The following ADAMTS3 variants were observed in gnomAD, a reference collection of about 807,000 sequenced individuals.
ADAMTS3 encodes A disintegrin and metalloproteinase with thrombospondin motifs 3.
ADAMTS3 carries 73 observed loss-of-function variants against 129.0 expected under a neutral mutation model. The ratio of observed to expected loss-of-function variants is 0.57; its 90% CI spans 0.47 to 0.69. ADAMTS3 has a LOEUF of 0.69. Ranked by LOEUF, ADAMTS3 falls within the 30% of genes least tolerant of loss-of-function variation. ADAMTS3 has a pLI of 0.00. For missense variants in ADAMTS3, 1,457 were observed against 1,514.5 expected, an observed-to-expected ratio of 0.96 and a Z score of 0.63; for synonymous variants, 477 against 510.8, an observed-to-expected ratio of 0.93 and a Z score of 0.89.
intron 4 of ADAMTS3, among the ~76,000 whole-genome samples, chr4:72,368,424 A>T (rs547704122): frequency 7.5e-4 from 114 of 152,298 alleles, no homozygotes; most frequent in African/African-American, 2.6e-3. Flanking sequence ...CGAACATTTT[A>T]AAAAAAGAAG....
chr4:72,561,799 C>A (rs1050629331), intron 2 of ADAMTS3, among the ~76,000 whole-genome samples: 7 of 152,178 alleles, frequency 4.6e-5, no homozygotes, highest in Admixed American at 4.6e-4. Flanking sequence ...CCTTTTCATG[C>A]TGCTCACAAT....
chr4:72,390,389 C>T (rs1245044328), intron 4 of ADAMTS3, among the ~76,000 whole-genome samples: 1 of 152,096 alleles, frequency 6.6e-6, no homozygotes, highest in Non-Finnish European at 1.5e-5. Context: ...CAAAAGAACC[C>T]AGTGAGGAAG....
At chr4:72,394,441 T>C (rs1416305726) in intron 4 of ADAMTS3, among the ~76,000 whole-genome samples, 2 of 152,218 alleles carry the variant, frequency 1.3e-5, no homozygotes, top group South Asian at 2.1e-4. Flanking sequence ...TTCTACACCA[T>C]GTCTGACAAA....
At chr4:72,566,149 C>A (rs1169526094) in intron 2 of ADAMTS3, among the ~76,000 whole-genome samples, 1 of 152,170 alleles carries the variant, frequency 6.6e-6, no homozygotes, top group African/African-American at 2.4e-5. Context: ...TTCCTCCCCA[C>A]TGTTCTCCTC....
chr4:72,497,211 A>G (rs1168879287), intron 3 of ADAMTS3, among the ~76,000 whole-genome samples: 1 of 152,096 alleles, frequency 6.6e-6, no homozygotes, highest in Non-Finnish European at 1.5e-5. Context: ...ATGCAAATGT[A>G]CTTTATTCTA....
At chr4:72,366,356 G>A (rs1436608532) in intron 4 of ADAMTS3, among the ~76,000 whole-genome samples, 4 of 152,196 alleles carry the variant, frequency 2.6e-5, no homozygotes, top group East Asian at 3.9e-4. Context: ...ATTGTATTAC[G>A]GTAGAAGACG....
intron 4 of ADAMTS3, among the ~76,000 whole-genome samples, chr4:72,361,321 T>C (rs1224439917): frequency 6.6e-6 from 1 of 152,162 alleles, no homozygotes; most frequent in Admixed American, 6.6e-5. Context: ...ATTATTTTTA[T>C]ATAACAGGTA....
chr4:72,344,563 C>G (rs1016828138), intron 4 of ADAMTS3, among the ~76,000 whole-genome samples: 1 of 152,028 alleles, frequency 6.6e-6, no homozygotes, highest in Non-Finnish European at 1.5e-5. Flanking sequence ...TCCCAATCTC[C>G]CTGTGACTAA....
chr4:72,301,786 T>C (rs769587195), intron 17 of ADAMTS3, among the ~76,000 whole-genome samples: 1 of 152,106 alleles, frequency 6.6e-6, no homozygotes, highest in Non-Finnish European at 1.5e-5. Flanking sequence ...AGCCAGATCT[T>C]ATTCCTGACA....
rs377218695 is a variant in ADAMTS3, at chr4:72,310,579, G to A, written c.2055+469C>T. ...TTAAATGGAGCAAAAAAACATGTTT[G>A]CTTCTCTACTACTTTTGTTCTAATG... On this transcript the variant is annotated intron_variant, in intron 14 of 21. Coordinates refer to ENST00000286657, the MANE Select transcript of ADAMTS3 (RefSeq NM_014243.3). Among the ~76,000 whole-genome samples, 48 of 152,196 alleles carry A rather than the reference G, an allele frequency of 3.2e-4. No individual in the cohort carries two copies. In the South Asian group the frequency reaches 9.9e-3, roughly 32 times the overall value.
rs770472292 is a variant in ADAMTS3, at chr4:72,414,966, T to C, written c.510A>G (p.Gly170=). 25 of 1,519,956 alleles carry C rather than the reference T, an allele frequency of 1.6e-5. 1 individual carries two copies. The highest frequency in any genetic ancestry group is 2.1e-5 in the Non-Finnish European group (24 of 1,138,992). 94.2% of individuals were successfully genotyped at this position (1,519,956 alleles called of 1,614,324 possible). A position where few individuals can be genotyped will look rare whatever the true frequency, so the allele number is the denominator to read the frequency against. The change falls in exon 4 of 22, where the codon GGA becomes GGG. Residue 170 remains glycine (G), a synonymous_variant. Coordinates refer to ENST00000286657, the MANE Select transcript of ADAMTS3 (RefSeq NM_014243.3). The part of the protein sequence containing the change: ...VAISNCDGLA[G]MIKSDNEEYF... ...ACTCTTCATTATCACTTTTTATCAT[T>C]CCAGCCTAGAGAAAGCACAAAATGT...
chr4:72,389,858 A>G (rs1721544252), intron 4 of ADAMTS3, among the ~76,000 whole-genome samples: 1 of 152,198 alleles, frequency 6.6e-6, no homozygotes, highest in East Asian at 1.9e-4. Context: ...ATGAAATTAC[A>G]TAGAACTCCA....
chr4:72,397,905 C>A (rs1578644331), intron 4 of ADAMTS3, among the ~76,000 whole-genome samples: 1 of 151,994 alleles, frequency 6.6e-6, no homozygotes, highest in African/African-American at 2.4e-5. Flanking sequence ...ACAAAAAGAG[C>A]ATCCCTTGTA....
Position 72,534,183 on chromosome 4 carries a change from C to T in ADAMTS3, c.504+14295G>A, listed in dbSNP as rs1330484872. Among the ~76,000 whole-genome samples, 5 of 151,972 alleles carry T rather than the reference C, an allele frequency of 3.3e-5. No individual in the cohort carries two copies. The East Asian group carries it at 5.8e-4, about 18-fold the overall frequency. On this transcript the variant is annotated intron_variant, in intron 3 of 21. Transcript: ENST00000286657. ...TCTACTAAAAATACAAAAAATTAGCCGGGCGTGGTGGCGGGTGCCTGCAGT... is the reference window on the plus strand; with the variant it reads ...TCTACTAAAAATACAAAAAATTAGCTGGGCGTGGTGGCGGGTGCCTGCAGT...
chr4:72,392,915 AT>A (rs36046621), intron 4 of ADAMTS3, among the ~76,000 whole-genome samples: 115,705 of 139,788 alleles, frequency 0.83, 49,179 homozygotes, highest in South Asian at 0.96. Flanking sequence ...TACCCATCGG[AT>A]TTTTTTTTTT....
intron 4 of ADAMTS3, among the ~76,000 whole-genome samples, chr4:72,399,694 T>C (rs187475732): frequency 6.7e-6 from 1 of 150,114 alleles, no homozygotes; most frequent in Non-Finnish European, 1.5e-5. Context: ...TATATGTGTA[T>C]ATATACACAC....
intron 4 of ADAMTS3, among the ~76,000 whole-genome samples, chr4:72,346,484 T>C (rs1177932152): frequency 6.6e-6 from 1 of 152,164 alleles, no homozygotes; most frequent in Admixed American, 6.6e-5. Flanking sequence ...TTGAAAGAGA[T>C]AGTCCTTCAT....
intron 16 of ADAMTS3, 137 bp downstream of exon 16, chr4:72,305,846 GTACA>G: frequency 1.4e-6 from 1 of 718,856 alleles, no homozygotes; most frequent in South Asian, 1.7e-5. Context: ...GCACATGTAC[GTACA>G]TATACGTATG....
At chr4:72,341,303 T>A (rs145751817) in intron 4 of ADAMTS3, among the ~76,000 whole-genome samples, 3 of 152,320 alleles carry the variant, frequency 2.0e-5, no homozygotes, top group African/African-American at 2.4e-5. Flanking sequence ...TAATTCACTT[T>A]GACCTAAGCC....
Sources: allele counts gnomAD v4.1 joint callset (sites outside exome capture counted in the v4.1 genomes callset), GRCh38; gene constraint gnomAD v4.1.1; transcripts MANE v1.5; gene names NCBI Gene and HGNC (gene_info 2026-07-23, HGNC 2026-07-21).